The following MET variants were observed in gnomAD, a reference collection of about 807,000 sequenced individuals.
The protein encoded by MET is hepatocyte growth factor receptor.
MET carries 48 observed loss-of-function variants against 133.1 expected under a neutral mutation model. The observed-to-expected ratio is 0.36, with a 90% CI of 0.29 to 0.46. The LOEUF is 0.46. Among genes scored for constraint, MET ranks in the 20% least tolerant of loss-of-function variants. The pLI is 1.00. For missense variants in MET, 1,442 were observed against 1,695.9 expected, an observed-to-expected ratio of 0.85 and a Z score of 2.63; for synonymous variants, 628 against 616.5, an observed-to-expected ratio of 1.02 and a Z score of -0.28.
At chr7:116,674,214 C>T (rs1238410605) in intron 1 of MET, among the ~76,000 whole-genome samples, 1 of 152,118 alleles carries the variant, frequency 6.6e-6, no homozygotes, top group Non-Finnish European at 1.5e-5. Flanking sequence ...TACATGCTTT[C>T]AAAATTAGTT....
intron 1 of MET, among the ~76,000 whole-genome samples, chr7:116,697,898 T>C (rs993441251): frequency 5.3e-5 from 8 of 152,222 alleles, no homozygotes; most frequent in African/African-American, 1.9e-4. Flanking sequence ...CTCAGCCACA[T>C]TGCAGCTTCA....
intron 19 of MET, among the ~76,000 whole-genome samples, chr7:116,793,570 A>G (rs1795580167): frequency 6.6e-6 from 1 of 152,074 alleles, no homozygotes; most frequent in African/African-American, 2.4e-5. Flanking sequence ...CAACATGTCA[A>G]GCAACGTGAA....
intron 11 of MET, among the ~76,000 whole-genome samples, chr7:116,765,550 G>A (rs1439535149): frequency 6.6e-6 from 1 of 151,990 alleles, no homozygotes; most frequent in African/African-American, 2.4e-5. Flanking sequence ...ACACAATAGG[G>A]GTCAAGCATA....
intron 2 of MET, among the ~76,000 whole-genome samples, chr7:116,711,726 G>T (rs963268857): frequency 6.6e-6 from 1 of 151,926 alleles, no homozygotes; most frequent in African/African-American, 2.4e-5. Flanking sequence ...TGTCTCCAAA[G>T]TGCTGTTGGA....
In MET at chr7:116,689,603, C is replaced by T. The variant is rs531364636; in HGVS notation, c.-14-9468C>T. The stretch of plus-strand genomic sequence containing the variant: ...TTTTTTTTTGAGACAGAGTCTGGCT[C>T]TGTCATCCAGGCTGGAGTGCAATGG... On this transcript the variant is annotated intron_variant, in intron 1 of 20. Transcript: ENST00000397752. Among the ~76,000 whole-genome samples, 49 of 117,446 alleles carry T rather than the reference C, an allele frequency of 4.2e-4. No homozygotes were observed. The East Asian group carries it at 0.013, about 32-fold the overall frequency. 77.0% of individuals were successfully genotyped at this position (117,446 alleles called of 152,430 possible). A position where few individuals can be genotyped will look rare whatever the true frequency, so the allele number is the denominator to read the frequency against.
chr7:116,747,897 GCAAA>G (rs1793754160), intron 5 of MET, among the ~76,000 whole-genome samples: 2 of 152,294 alleles, frequency 1.3e-5, no homozygotes, highest in Admixed American at 6.5e-5. Flanking sequence ...CTCAGCAAAT[GCAAA>G]CAAACAGTCT....
At chr7:116,724,678 C>G (rs971424003) in intron 2 of MET, 4 of 504,592 alleles carry the variant, frequency 7.9e-6, no homozygotes, top group African/African-American at 2.0e-5. Flanking sequence ...TCCTTGGAAT[C>G]GGAAAAAAAA....
intron 10 of MET, 49 bp downstream of exon 10, chr7:116,759,539 C>G (rs773904282): frequency 6.3e-7 from 1 of 1,589,846 alleles, no homozygotes; most frequent in Admixed American, 1.7e-5. Context: ...ATCTTTGCCT[C>G]TAACCATGTG....
chr7:116,772,986 T>G (rs770687297), intron 14 of MET, among the ~76,000 whole-genome samples: 58 of 152,218 alleles, frequency 3.8e-4, no homozygotes, highest in Non-Finnish European at 5.6e-4. Context: ...GTATTTTATG[T>G]GCACATTTAG....
intron 2 of MET, among the ~76,000 whole-genome samples, chr7:116,716,501 GAAAGAA>G (rs1268518192): frequency 2.0e-5 from 3 of 149,152 alleles, no homozygotes; most frequent in Non-Finnish European, 3.0e-5. Flanking sequence ...AAGAAAGAAA[GAAAGAA>G]AGAAAGAAAG....
chr7:116,787,061 T>A (rs751959253), intron 19 of MET, among the ~76,000 whole-genome samples: 1 of 152,174 alleles, frequency 6.6e-6, no homozygotes, highest in Non-Finnish European at 1.5e-5. Context: ...AGTAAGTAGG[T>A]CATAGGTCAT....
intron 2 of MET, among the ~76,000 whole-genome samples, chr7:116,719,419 T>A (rs2116702484): frequency 6.6e-6 from 1 of 152,294 alleles, no homozygotes; most frequent in East Asian, 1.9e-4. Flanking sequence ...GTTGCAAAAA[T>A]TTTCTCCCAT....
At chr7:116,713,120 G>C (rs1782077179) in intron 2 of MET, among the ~76,000 whole-genome samples, 1 of 152,184 alleles carries the variant, frequency 6.6e-6, no homozygotes, top group African/African-American at 2.4e-5. Flanking sequence ...AAGAGGCCGG[G>C]CGCGGTGGCT....
At chr7:116,715,498 C>T (rs1303347578) in intron 2 of MET, among the ~76,000 whole-genome samples, 5 of 152,226 alleles carry the variant, frequency 3.3e-5, no homozygotes, top group African/African-American at 9.6e-5. Context: ...ATGATTTCAT[C>T]TCAAGATCCT....
At chr7:116,708,085 C>T (rs185874979) in intron 2 of MET, among the ~76,000 whole-genome samples, 30 of 152,188 alleles carry the variant, frequency 2.0e-4, no homozygotes, top group Middle Eastern at 6.8e-3. Flanking sequence ...CTAGACTGTA[C>T]CTGTCTTCAA....
At chr7:116,754,030 G>C (rs1356112435) in intron 5 of MET, among the ~76,000 whole-genome samples, 1 of 152,178 alleles carries the variant, frequency 6.6e-6, no homozygotes, top group African/African-American at 2.4e-5. Context: ...GTCTACTAGA[G>C]AGGCTGAGGC....
At chr7:116,787,497 A>G (rs146373122) in intron 19 of MET, among the ~76,000 whole-genome samples, 162 of 152,348 alleles carry the variant, frequency 1.1e-3, no homozygotes, top group African/African-American at 3.5e-3. Flanking sequence ...TTGCTGTGTC[A>G]TAACATGGTG....
At chr7:116,727,284 C>T (rs1792832778) in intron 2 of MET, among the ~76,000 whole-genome samples, 1 of 152,170 alleles carries the variant, frequency 6.6e-6, no homozygotes, top group African/African-American at 2.4e-5. Flanking sequence ...GGAGTTTGAA[C>T]ATAAGAGAGA....
intron 3 of MET, among the ~76,000 whole-genome samples, chr7:116,732,389 AT>A (rs1300671802): frequency 6.6e-6 from 1 of 152,240 alleles, no homozygotes; most frequent in Non-Finnish European, 1.5e-5. Flanking sequence ...TACAAAAAAA[AT>A]CCAGATTTTA....
Sources: gnomAD v4.1 joint callset for allele counts (sites outside exome capture counted in the v4.1 genomes callset) on GRCh38, gnomAD v4.1.1 for gene constraint, MANE v1.5 for transcripts, NCBI Gene and HGNC (gene_info 2026-07-23, HGNC 2026-07-21) for gene names.